The following ZMAT4 variants were observed in gnomAD, a reference collection of about 807,000 sequenced individuals.
ZMAT4 encodes zinc finger matrin-type protein 4.
ZMAT4 carries 17 observed loss-of-function variants against 28.7 expected under a neutral mutation model. That is an observed-to-expected ratio of 0.59 (90% CI 0.41 to 0.89). The LOEUF is 0.89. Among genes scored for constraint, ZMAT4 ranks in the 40% least tolerant of loss-of-function variants. ZMAT4 has a pLI of 0.00. For synonymous variants in ZMAT4, 117 were observed against 109.2 expected, an observed-to-expected ratio of 1.07 and a Z score of -0.44; for missense variants, 240 against 283.8, an observed-to-expected ratio of 0.85 and a Z score of 1.11.
intron 1 of ZMAT4, among the ~76,000 whole-genome samples, chr8:40,841,299 T>C (rs774097480): frequency 2.0e-5 from 3 of 152,132 alleles, no homozygotes; most frequent in Non-Finnish European, 4.4e-5. Flanking sequence ...AACTGCTAAC[T>C]CCTACTGGAT....
chr8:40,644,114 C>T (rs145337636), intron 5 of ZMAT4, among the ~76,000 whole-genome samples: 3 of 152,174 alleles, frequency 2.0e-5, no homozygotes, highest in Admixed American at 2.0e-4. Context: ...CCATTTAGGA[C>T]ACTCTAAGCT....
intron 1 of ZMAT4, among the ~76,000 whole-genome samples, chr8:40,857,907 G>A (rs1296826593): frequency 1.3e-5 from 2 of 152,206 alleles, no homozygotes; most frequent in East Asian, 3.8e-4. Context: ...AAAGAAGCCA[G>A]ACATTACAAT....
At chr8:40,739,878 G>A (rs935576237) in intron 3 of ZMAT4, among the ~76,000 whole-genome samples, 4 of 152,126 alleles carry the variant, frequency 2.6e-5, no homozygotes, top group African/African-American at 7.2e-5. Flanking sequence ...TCCCACTTAT[G>A]AGTGAGAACA....
intron 1 of ZMAT4, among the ~76,000 whole-genome samples, chr8:40,841,137 T>C (rs1816688009): frequency 6.6e-6 from 1 of 152,232 alleles, no homozygotes; most frequent in South Asian, 2.1e-4. Flanking sequence ...TCATTCGATC[T>C]GCAGCATGAC....
At chr8:40,881,534 GAA>G (rs1379829917) in intron 1 of ZMAT4, among the ~76,000 whole-genome samples, 1 of 27,092 alleles carries the variant, frequency 3.7e-5, no homozygotes, top group African/African-American at 1.8e-4. Context: ...GAGACAGAAA[GAA>G]AGAAAGAAAG....
intron 4 of ZMAT4, 136 bp downstream of exon 4, chr8:40,697,109 A>G: frequency 9.5e-7 from 1 of 1,054,374 alleles, no homozygotes; most frequent in Non-Finnish European, 1.3e-6. Flanking sequence ...TCAGCCACTC[A>G]TCCCTTTAGG....
At chr8:40,584,043 T>G (rs1200785781) in intron 5 of ZMAT4, among the ~76,000 whole-genome samples, 1 of 152,166 alleles carries the variant, frequency 6.6e-6, no homozygotes, top group African/African-American at 2.4e-5. Context: ...GCTTTTGAAA[T>G]TTGTAGCTAT....
At chr8:40,651,026 A>G (rs1179518236) in intron 5 of ZMAT4, among the ~76,000 whole-genome samples, 4 of 151,096 alleles carry the variant, frequency 2.6e-5, no homozygotes, top group Non-Finnish European at 4.4e-5. Flanking sequence ...CAAGACAGGG[A>G]TGCCCTCTCT....
At chr8:40,640,340 C>A (rs1806964103) in intron 5 of ZMAT4, among the ~76,000 whole-genome samples, 1 of 152,122 alleles carries the variant, frequency 6.6e-6, no homozygotes, top group Admixed American at 6.6e-5. Flanking sequence ...AATGGTAGCT[C>A]AGCAGAATCC....
At chr8:40,721,043 A>G (rs1312026849) in intron 3 of ZMAT4, among the ~76,000 whole-genome samples, 2 of 150,788 alleles carry the variant, frequency 1.3e-5, no homozygotes, top group African/African-American at 2.4e-5. Context: ...TTAGTTACAT[A>G]TGTATACATG....
intron 2 of ZMAT4, among the ~76,000 whole-genome samples, chr8:40,793,110 T>G (rs1252092535): frequency 6.6e-6 from 1 of 152,144 alleles, no homozygotes; most frequent in Non-Finnish European, 1.5e-5. Flanking sequence ...GTGATAATGA[T>G]GTGTCCATGT....
At chr8:40,889,631 C>G (rs929402901) in intron 1 of ZMAT4, among the ~76,000 whole-genome samples, 3 of 152,112 alleles carry the variant, frequency 2.0e-5, no homozygotes, top group Non-Finnish European at 2.9e-5. Context: ...CAATTATACT[C>G]TATTTACTTT....
At chr8:40,603,382 G>A (rs747067468) in intron 5 of ZMAT4, among the ~76,000 whole-genome samples, 3 of 152,016 alleles carry the variant, frequency 2.0e-5, no homozygotes, top group Admixed American at 6.6e-5. Flanking sequence ...TGTTCTTTTT[G>A]CTTAGTCTTG....
rs200379991 is a variant in ZMAT4 at position 40,643,789 on chromosome 8, C to A, written c.577+30915G>T. Among the ~76,000 whole-genome samples, 402 of 137,460 alleles carry A rather than the reference C, an allele frequency of 2.9e-3. 1 individual carries two copies. The highest frequency in any genetic ancestry group is 3.0e-3 in the Admixed American group (40 of 13,398). 90.2% of individuals were successfully genotyped at this position (137,460 alleles called of 152,430 possible). A position where few individuals can be genotyped will look rare whatever the true frequency, so the allele number is the denominator to read the frequency against. ...GTGCGTCTGTGTGTTTGTGTGTGTG[C>A]AAAAAAAAAAAAAGGAGTAAGGTCA... On this transcript the variant is annotated intron_variant, in intron 5 of 6. Transcript: ENST00000297737.
At chr8:40,735,402 T>C (rs1811720518) in intron 3 of ZMAT4, among the ~76,000 whole-genome samples, 1 of 152,180 alleles carries the variant, frequency 6.6e-6, no homozygotes, top group Non-Finnish European at 1.5e-5. Flanking sequence ...TGTAAGGATT[T>C]CCATCCTTAT....
intron 5 of ZMAT4, among the ~76,000 whole-genome samples, chr8:40,597,640 T>C (rs1010458823): frequency 1.3e-5 from 2 of 152,228 alleles, no homozygotes; most frequent in African/African-American, 4.8e-5. Context: ...TCTGAAATGC[T>C]GCATTGAACC....
chr8:40,682,324 T>C (rs1038947015), intron 4 of ZMAT4, among the ~76,000 whole-genome samples: 1 of 152,214 alleles, frequency 6.6e-6, no homozygotes, highest in Non-Finnish European at 1.5e-5. Context: ...ATTAATTTAT[T>C]GTAGACTTGA....
At chr8:40,734,608 C>T (rs982474697) in intron 3 of ZMAT4, among the ~76,000 whole-genome samples, 2 of 152,098 alleles carry the variant, frequency 1.3e-5, no homozygotes, top group Non-Finnish European at 2.9e-5. Flanking sequence ...GGTAATCACC[C>T]GTCTCTCATT....
At chr8:40,803,688 C>A (rs1268749664) in intron 2 of ZMAT4, among the ~76,000 whole-genome samples, 1 of 152,138 alleles carries the variant, frequency 6.6e-6, no homozygotes, top group Non-Finnish European at 1.5e-5. Context: ...ACAAAACTAA[C>A]CATACTCCTT....
Sources: gnomAD v4.1 joint callset for allele counts (sites outside exome capture counted in the v4.1 genomes callset) on GRCh38, gnomAD v4.1.1 for gene constraint, MANE v1.5 for transcripts, NCBI Gene and HGNC (gene_info 2026-07-23, HGNC 2026-07-21) for gene names.